The following ATP8A2 variants were observed in gnomAD, a reference collection of about 807,000 sequenced individuals.
ATP8A2 encodes ATPase phospholipid transporting 8A2, also known as phospholipid-transporting ATPase IB.
Under a neutral mutation model 165.6 loss-of-function variants are expected in ATP8A2, and 100 were observed. That is an observed-to-expected ratio of 0.60 (90% CI 0.51 to 0.71). ATP8A2 has a LOEUF of 0.71. ATP8A2 is among the 30% of genes least tolerant of loss of function. The pLI is 0.00. For missense variants in ATP8A2, 1,227 were observed against 1,479.5 expected, an observed-to-expected ratio of 0.83 and a Z score of 2.80; for synonymous variants, 543 against 548.8, an observed-to-expected ratio of 0.99 and a Z score of 0.15.
At position 25,758,354 on chromosome 13, in the gene ATP8A2, G is replaced by A. The variant is rs567862849; in HGVS notation, c.2385-10692G>A. ...TATTTGTTTATTACCTATTGTGTAT[G>A]ATGCTAAAGGTCTAAAGAGGAGTAA... is the stretch of plus-strand genomic sequence containing the variant. On this transcript the variant is annotated intron_variant, in intron 25 of 36. Coordinates refer to ENST00000381655, the MANE Select transcript of ATP8A2 (RefSeq NM_016529.6). 3.9e-3 allele frequency among the ~76,000 whole-genome samples: 591 copies of A among 152,282 alleles called. 3 individuals are homozygous for A. The highest frequency in any genetic ancestry group is 7.2e-3 in the Non-Finnish European group (491 of 68,028).
intron 35 of ATP8A2, among the ~76,000 whole-genome samples, chr13:25,987,150 A>T (rs1956293281): frequency 6.6e-6 from 1 of 152,058 alleles, no homozygotes; most frequent in African/African-American, 2.4e-5. Context: ...GTAGTTTCCC[A>T]CTCCTGCGCC....
chr13:25,797,982 T>G lies in ATP8A2; in HGVS notation c.2679+23023T>G, dbSNP rs377618470. 7.7e-4 allele frequency among the ~76,000 whole-genome samples: 118 copies of G among 152,350 alleles called. 1 individual carries two copies. The highest frequency in any genetic ancestry group is 3.1e-3 in the South Asian group (15 of 4,828). ...TTTAAGAGATAAGTGAATCTTAAAT[T>G]CTTAATTTACAAAAGTTTGATCTAT... On this transcript the variant is annotated intron_variant, in intron 27 of 36. Transcript: ENST00000381655.
Position 25,469,193 on chromosome 13 carries a change from G to C in ATP8A2, c.221+72G>C, listed in dbSNP as rs1229677270. 19 of 1,552,450 alleles carry C rather than the reference G, an allele frequency of 1.2e-5. No individual in the cohort carries two copies. The East Asian group carries it at 3.8e-4, about 31-fold the overall frequency. ...TGGGAAGGGGCTCGTCCTCCTGCGC[G>C]GGGCTTGGCCGCGCACCTGGCCGGC... On this transcript the variant is annotated intron_variant, in intron 2 of 36. Coordinates refer to ENST00000381655, the MANE Select transcript of ATP8A2 (RefSeq NM_016529.6).
At chr13:25,748,220 C>T (rs769377174) in intron 25 of ATP8A2, among the ~76,000 whole-genome samples, 1 of 152,078 alleles carries the variant, frequency 6.6e-6, no homozygotes. Flanking sequence ...AATTATTTTT[C>T]GATGAAAGGA....
At chr13:25,759,015 G>A (rs1020515719) in intron 25 of ATP8A2, among the ~76,000 whole-genome samples, 4 of 151,936 alleles carry the variant, frequency 2.6e-5, no homozygotes, top group African/African-American at 9.7e-5. Flanking sequence ...AAGAAGGAAG[G>A]GGGGAGAGAG....
chr13:25,779,940 A>G (rs1056561895), intron 27 of ATP8A2, among the ~76,000 whole-genome samples: 1 of 152,248 alleles, frequency 6.6e-6, no homozygotes, highest in Non-Finnish European at 1.5e-5. Flanking sequence ...ACACTATTTA[A>G]CAAACTATGA....
At chr13:25,772,739 T>TTA (rs774652617) in intron 26 of ATP8A2, among the ~76,000 whole-genome samples, 25,713 of 147,538 alleles carry the variant, frequency 0.17, 2,358 homozygotes, top group Middle Eastern at 0.21. Context: ...TTAATTAATT[T>TTA]ATTTATTTAT....
intron 1 of ATP8A2, among the ~76,000 whole-genome samples, chr13:25,452,032 T>G (rs1041824926): frequency 1.3e-5 from 2 of 151,914 alleles, no homozygotes; most frequent in South Asian, 4.2e-4. Flanking sequence ...TTTTTGTATT[T>G]TTAGTAGAGA....
At chr13:25,888,071 C>CCCA (rs1953221362) in intron 33 of ATP8A2, among the ~76,000 whole-genome samples, 1 of 131,528 alleles carries the variant, frequency 7.6e-6, no homozygotes, top group Non-Finnish European at 1.7e-5. Context: ...AACCCAGACC[C>CCCA]CCCCCCCGCC....
intron 25 of ATP8A2, among the ~76,000 whole-genome samples, chr13:25,701,474 G>A (rs545064715): frequency 1.8e-4 from 28 of 152,060 alleles, no homozygotes; most frequent in African/African-American, 6.5e-4. Context: ...GTGAGTCATG[G>A]GAGTCAGCCA....
At chr13:25,683,967 G>T (rs1230236934) in intron 24 of ATP8A2, among the ~76,000 whole-genome samples, 1 of 152,164 alleles carries the variant, frequency 6.6e-6, no homozygotes, top group African/African-American at 2.4e-5. Flanking sequence ...GAATCAAATA[G>T]TAAAGGAGAT....
intron 35 of ATP8A2, among the ~76,000 whole-genome samples, chr13:25,992,253 G>T (rs1389664005): frequency 1.4e-4 from 21 of 148,250 alleles, no homozygotes; most frequent in African/African-American, 5.2e-4. Context: ...TAGCCATAGG[G>T]ATTGCTGCTT....
chr13:25,645,097 C>G (rs1185411553), intron 24 of ATP8A2, among the ~76,000 whole-genome samples: 2 of 152,072 alleles, frequency 1.3e-5, no homozygotes, highest in Non-Finnish European at 2.9e-5. Context: ...GTTGATAAAG[C>G]ACACCCAAGA....
chr13:25,598,099 G>A (rs115157378), intron 24 of ATP8A2, among the ~76,000 whole-genome samples: 1,675 of 152,168 alleles, frequency 0.011, 25 homozygotes, highest in African/African-American at 0.038. Context: ...TAGTTATCTA[G>A]TGTTTACAGC....
At chr13:25,608,273 A>G (rs566229477) in intron 24 of ATP8A2, among the ~76,000 whole-genome samples, 21 of 152,354 alleles carry the variant, frequency 1.4e-4, no homozygotes, top group African/African-American at 4.8e-4. Context: ...AAATCTCCAC[A>G]TGAGATTTGG....
At chr13:25,871,329 T>A (rs1295365631) in intron 33 of ATP8A2, 2 of 220,576 alleles carry the variant, frequency 9.1e-6, no homozygotes, top group Non-Finnish European at 1.9e-5. Flanking sequence ...CCACTCTTAT[T>A]AAGAGTCTGC....
At chr13:25,539,092 T>TGTGC in intron 7 of ATP8A2, among the ~76,000 whole-genome samples, 1 of 144,350 alleles carries the variant, frequency 6.9e-6, no homozygotes, top group Non-Finnish European at 1.6e-5. Flanking sequence ...TGTGTGTGTG[T>TGTGC]GTGTGTGTTT....
At chr13:25,373,129 G>A (rs913551569) in intron 1 of ATP8A2, among the ~76,000 whole-genome samples, 1 of 152,170 alleles carries the variant, frequency 6.6e-6, no homozygotes, top group Admixed American at 6.5e-5. Flanking sequence ...TAATGCAGAC[G>A]TAAAGAGGAG....
At chr13:25,418,826 C>A (rs1176662774) in intron 1 of ATP8A2, among the ~76,000 whole-genome samples, 2 of 152,126 alleles carry the variant, frequency 1.3e-5, no homozygotes, top group African/African-American at 4.8e-5. Flanking sequence ...CACCAATTTT[C>A]CTTGCCTTGA....
Sources: allele counts gnomAD v4.1 joint callset (sites outside exome capture counted in the v4.1 genomes callset), GRCh38; gene constraint gnomAD v4.1.1; transcripts MANE v1.5; gene names NCBI Gene and HGNC (gene_info 2026-07-23, HGNC 2026-07-21).